The following OMA1 variants were observed in gnomAD, a reference collection of about 807,000 sequenced individuals.
OMA1 encodes the protein OMA1 zinc metallopeptidase, also known as metalloendopeptidase OMA1, mitochondrial.
Under a neutral mutation model 30.9 loss-of-function variants are expected in OMA1, and 38 were observed. The ratio of observed to expected loss-of-function variants is 1.23; its 90% CI spans 0.95 to 1.61. OMA1 has a LOEUF of 1.61. OMA1 is among the 40% of genes most tolerant of loss of function. The pLI is 0.00. For missense variants in OMA1, 461 were observed against 349.2 expected, an observed-to-expected ratio of 1.32 and a Z score of -2.55; for synonymous variants, 173 against 121.9, an observed-to-expected ratio of 1.42 and a Z score of -2.76.
At chr1:58,526,601 C>CAAAAAAA (rs10574530) in intron 7 of OMA1, among the ~76,000 whole-genome samples, 3 of 121,378 alleles carry the variant, frequency 2.5e-5, no homozygotes, top group Admixed American at 8.0e-5. Context: ...CTATGGCTAG[C>CAAAAAAA]AAAAAAAAAA....
rs145661916 is a variant in OMA1 at position 58,519,697 on chromosome 1, C to T, written c.1215+7564G>A. ...CAAAGCCAAAAACAGACAACAGAAACGGACCCAGCTATAATACAGAGATTA... is the reference window on the plus strand; with the variant it reads ...CAAAGCCAAAAACAGACAACAGAAATGGACCCAGCTATAATACAGAGATTA... On this transcript the variant is annotated intron_variant, in intron 7 of 8. Coordinates refer to ENST00000371226, the MANE Select transcript of OMA1 (RefSeq NM_145243.5). 1.1e-3 allele frequency among the ~76,000 whole-genome samples: 161 copies of T among 151,988 alleles called. 1 individual carries two copies. Among genetic ancestry groups the T allele is most frequent in the African/African-American group, 3.7e-3 (153 of 41,436 alleles).
At position 58,536,534 on chromosome 1, in the gene OMA1, T is replaced by A. The variant is rs1437797195; in HGVS notation, c.708A>T (p.Leu236Phe). The A allele has an allele frequency of 2.3e-6, 2 of 872,512 alleles. No individual in the cohort carries two copies. The highest frequency in any genetic ancestry group is 4.0e-6 in the Non-Finnish European group (2 of 501,472). 54.0% of individuals were successfully genotyped at this position (872,512 alleles called of 1,614,324 possible). A position where few individuals can be genotyped will look rare whatever the true frequency, so the allele number is the denominator to read the frequency against. Reference sequence around the variant, plus strand: ...TTACTGCTTCATATTCCAGTTCCGATAAAAGTCTGAACTGTTCTTTCCCCA... The same window carrying A: ...TTACTGCTTCATATTCCAGTTCCGAAAAAAGTCTGAACTGTTCTTTCCCCA... Reference protein sequence around the residue: ...LLLGKEQFRLLSELEYEAWME... With the variant: ...LLLGKEQFRLFSELEYEAWME... Residue 236 changes from leucine to phenylalanine, a missense_variant, in exon 3 of 9, where the codon TTA becomes TTT. Coordinates refer to ENST00000371226, the MANE Select transcript of OMA1 (RefSeq NM_145243.5).
intron 2 of OMA1, 102 bp from the exon 3 acceptor site, chr1:58,536,843 T>C: frequency 1.5e-6 from 1 of 689,376 alleles, no homozygotes. Flanking sequence ...AATACCTGAA[T>C]TTGTATGATG....
intron 5 of OMA1, among the ~76,000 whole-genome samples, chr1:58,532,489 GT>G (rs1273917332): frequency 6.6e-6 from 1 of 152,110 alleles, no homozygotes; most frequent in African/African-American, 2.4e-5. Context: ...CTGCTTAGAC[GT>G]ATTCTTGTGT....
intron 8 of OMA1, among the ~76,000 whole-genome samples, chr1:58,487,958 A>G (rs1416738868): frequency 6.6e-6 from 1 of 152,202 alleles, no homozygotes; most frequent in African/African-American, 2.4e-5. Context: ...TCTAATGATT[A>G]TGACTTTGAC....
At chr1:58,485,228 TAAAAAAAAAAAAAAAAAA>T (rs71043289) in intron 8 of OMA1, among the ~76,000 whole-genome samples, 1 of 42,036 alleles carries the variant, frequency 2.4e-5, no homozygotes, top group Non-Finnish European at 4.1e-5. Context: ...AGTCTACTAC[TAAAAAAAAAAAAAAAAAA>T]AAAAAAAAAA....
chr1:58,493,650 G>A (rs895461867), intron 8 of OMA1, among the ~76,000 whole-genome samples: 1 of 151,548 alleles, frequency 6.6e-6, no homozygotes, highest in Non-Finnish European at 1.5e-5. Flanking sequence ...CAAATCATGA[G>A]TGAACTCCCA....
At chr1:58,484,909 G>A (rs955915800) in intron 8 of OMA1, among the ~76,000 whole-genome samples, 2 of 152,004 alleles carry the variant, frequency 1.3e-5, no homozygotes, top group African/African-American at 4.8e-5. Flanking sequence ...GGGGGAGGGA[G>A]GAATGAGTAG....
At chr1:58,545,931 C>G (rs566426297) in intron 1 of OMA1, among the ~76,000 whole-genome samples, 22 of 152,302 alleles carry the variant, frequency 1.4e-4, no homozygotes, top group Admixed American at 1.2e-3. Flanking sequence ...CCCCTTCACC[C>G]CGGCTGAGAA....
chr1:58,499,477 TATAG>T (rs60917151), intron 8 of OMA1, among the ~76,000 whole-genome samples: 26,168 of 143,620 alleles, frequency 0.18, 2,409 homozygotes, highest in African/African-American at 0.24. Context: ...AAAGCCAGAC[TATAG>T]ATAGATAGAT....
chr1:58,485,758 C>T lies in OMA1; in HGVS notation c.1366-4584G>A, dbSNP rs184715594. Reference sequence around the variant, plus strand: ...CATATAGCTAGAATATGTCTTTCCACTTCCTTTACTTTGTTTTCTGTGTTT... The same window carrying T: ...CATATAGCTAGAATATGTCTTTCCATTTCCTTTACTTTGTTTTCTGTGTTT... On this transcript the variant is annotated intron_variant, in intron 8 of 8. Transcript: ENST00000371226. Among the ~76,000 whole-genome samples, 406 of 152,250 alleles carry T rather than the reference C, an allele frequency of 2.7e-3. 1 individual carries two copies. The highest frequency in any genetic ancestry group is 9.1e-3 in the African/African-American group (379 of 41,534).
chr1:58,521,298 G>C (rs12030713), intron 7 of OMA1, among the ~76,000 whole-genome samples: 96,517 of 151,206 alleles, frequency 0.64, 32,413 homozygotes, highest in East Asian at 0.82. Flanking sequence ...GCTCTCAGAG[G>C]AAAATGTACG....
intron 7 of OMA1, among the ~76,000 whole-genome samples, chr1:58,524,582 G>A (rs1483069191): frequency 6.6e-6 from 1 of 152,210 alleles, no homozygotes; most frequent in African/African-American, 2.4e-5. Flanking sequence ...CTTGCTGGTA[G>A]AGTTGCAGCT....
intron 7 of OMA1, among the ~76,000 whole-genome samples, chr1:58,511,849 C>G (rs1413237161): frequency 6.6e-6 from 1 of 152,102 alleles, no homozygotes. Flanking sequence ...AGTTTCATGA[C>G]TTTGGTCTTG....
At chr1:58,531,250 A>T (rs1246728829) in intron 5 of OMA1, among the ~76,000 whole-genome samples, 2 of 152,198 alleles carry the variant, frequency 1.3e-5, no homozygotes, top group African/African-American at 2.4e-5. Context: ...ACAAGAAAAA[A>T]TTCAGAAAAA....
chr1:58,503,584 G>A (rs903777558), intron 8 of OMA1, among the ~76,000 whole-genome samples: 5 of 152,024 alleles, frequency 3.3e-5, no homozygotes, highest in Non-Finnish European at 5.9e-5. Context: ...TTTGGGAGGC[G>A]ATTGTCATAA....
intron 7 of OMA1, among the ~76,000 whole-genome samples, chr1:58,523,032 A>G (rs1463920011): frequency 6.6e-6 from 1 of 152,206 alleles, no homozygotes; most frequent in Non-Finnish European, 1.5e-5. Flanking sequence ...GTAGTCTTGA[A>G]TAATCAGAAT....
intron 7 of OMA1, among the ~76,000 whole-genome samples, chr1:58,516,154 A>G (rs1274341314): frequency 1.3e-5 from 2 of 152,194 alleles, no homozygotes; most frequent in South Asian, 2.1e-4. Flanking sequence ...TTAAACATCA[A>G]TAATTCCCCC....
intron 2 of OMA1, 65 bp downstream of exon 2, chr1:58,538,730 C>A: frequency 1.5e-6 from 1 of 679,096 alleles, no homozygotes; most frequent in Non-Finnish European, 2.5e-6. Context: ...AAAGTTAATA[C>A]GTTAGCACAA....
Sources: gnomAD v4.1 joint callset for allele counts (sites outside exome capture counted in the v4.1 genomes callset) on GRCh38, gnomAD v4.1.1 for gene constraint, MANE v1.5 for transcripts, NCBI Gene and HGNC (gene_info 2026-07-23, HGNC 2026-07-21) for gene names.